KCNH7: variants seen among roughly 807,000 people sequenced by gnomAD.
KCNH7 encodes the protein potassium voltage-gated channel subfamily H member 7, also known as voltage-gated inwardly rectifying potassium channel KCNH7.
A neutral mutation model predicts 120.8 loss-of-function variants in KCNH7; 49 were observed. That is an observed-to-expected ratio of 0.41 (90% CI 0.32 to 0.51). The LOEUF (loss-of-function observed/expected upper bound fraction) is 0.51, where lower values mean the gene tolerates loss of function less well. Ranked by LOEUF, KCNH7 falls within the 20% of genes least tolerant of loss-of-function variation. KCNH7 has a pLI of 0.38. For synonymous variants in KCNH7, 547 were observed against 516.1 expected, an observed-to-expected ratio of 1.06 and a Z score of -0.81; for missense variants, 1,097 against 1,446.6, an observed-to-expected ratio of 0.76 and a Z score of 3.92.
chr2:162,664,640 TA>T (rs1685073777), intron 2 of KCNH7, among the ~76,000 whole-genome samples: 1 of 152,146 alleles, frequency 6.6e-6, no homozygotes, highest in African/African-American at 2.4e-5. Flanking sequence ...TGAAATATCG[TA>T]GATTACAATA....
intron 6 of KCNH7, among the ~76,000 whole-genome samples, chr2:162,496,291 A>AGAACCTGT (rs1182577161): frequency 3.9e-5 from 6 of 152,136 alleles, no homozygotes; most frequent in East Asian, 1.9e-4. Context: ...AGGTCCCCAG[A>AGAACCTGT]GAACCTGTGA....
intron 2 of KCNH7, among the ~76,000 whole-genome samples, chr2:162,579,859 A>G (rs1448741172): frequency 6.6e-6 from 1 of 152,046 alleles, no homozygotes; most frequent in Admixed American, 6.6e-5. Context: ...GTGGGGATGA[A>G]GAGTTACGTA....
At chr2:162,486,584 G>GA in intron 6 of KCNH7, among the ~76,000 whole-genome samples, 1 of 151,996 alleles carries the variant, frequency 6.6e-6, no homozygotes. Flanking sequence ...GAAAAAATAG[G>GA]AAAAAATATT....
At chr2:162,435,830 G>A (rs1209988771) in intron 7 of KCNH7, among the ~76,000 whole-genome samples, 2 of 152,030 alleles carry the variant, frequency 1.3e-5, no homozygotes, top group African/African-American at 2.4e-5. Flanking sequence ...AAGACATGGG[G>A]CACAGAATCT....
intron 2 of KCNH7, among the ~76,000 whole-genome samples, chr2:162,699,671 T>A (rs1038055237): frequency 6.6e-6 from 1 of 152,208 alleles, no homozygotes; most frequent in Non-Finnish European, 1.5e-5. Context: ...ATGTCTTTTA[T>A]TTGCTTTTAA....
At chr2:162,548,390 T>G (rs558688934) in intron 2 of KCNH7, among the ~76,000 whole-genome samples, 1 of 152,076 alleles carries the variant, frequency 6.6e-6, no homozygotes, top group East Asian at 1.9e-4. Context: ...CTTCCAAAGG[T>G]GGTTGCAGGA....
intron 2 of KCNH7, among the ~76,000 whole-genome samples, chr2:162,766,902 CACATAA>C (rs1201950888): frequency 1.8e-4 from 27 of 147,472 alleles, no homozygotes; most frequent in African/African-American, 6.9e-4. Flanking sequence ...CACACACACA[CACATAA>C]ACACACATCA....
intron 2 of KCNH7, among the ~76,000 whole-genome samples, chr2:162,762,930 G>A (rs1689016581): frequency 6.6e-6 from 1 of 152,030 alleles, no homozygotes; most frequent in African/African-American, 2.4e-5. Context: ...TATTTAAGCA[G>A]TTCTTTAAAA....
rs149577067 is a variant in KCNH7 at position 162,499,686 on chromosome 2, T to G, written c.1128+4757A>C. On this transcript the variant is annotated intron_variant, in intron 6 of 15. Transcript: ENST00000332142. Reference sequence around the variant, plus strand: ...CTTTGGAGATTTTTGACTGCAGACTTACTCTTGCTTAATCCCACGCAATAC... The same window carrying G: ...CTTTGGAGATTTTTGACTGCAGACTGACTCTTGCTTAATCCCACGCAATAC... 4.0e-3 allele frequency among the ~76,000 whole-genome samples: 614 copies of G among 152,246 alleles called. 5 individuals are homozygous for G. The highest frequency in any genetic ancestry group is 3.6e-3 in the Non-Finnish European group (248 of 68,004).
chr2:162,483,517 T>C (rs1689996578), intron 6 of KCNH7, among the ~76,000 whole-genome samples: 2 of 152,000 alleles, frequency 1.3e-5, no homozygotes, highest in Admixed American at 1.3e-4. Context: ...TCCTAAGGAA[T>C]GGGAGTTCAC....
intron 6 of KCNH7, among the ~76,000 whole-genome samples, chr2:162,481,703 C>G (rs1689934153): frequency 6.6e-6 from 1 of 152,136 alleles, no homozygotes; most frequent in Non-Finnish European, 1.5e-5. Flanking sequence ...TGAATGAATA[C>G]ATGAGGTTGT....
At chr2:162,549,674 C>A (rs1335144294) in intron 2 of KCNH7, among the ~76,000 whole-genome samples, 1 of 152,002 alleles carries the variant, frequency 6.6e-6, no homozygotes, top group African/African-American at 2.4e-5. Flanking sequence ...AGTATAAAAC[C>A]ATTAGCAAAG....
chr2:162,690,315 A>G (rs1339115214), intron 2 of KCNH7, among the ~76,000 whole-genome samples: 1 of 152,166 alleles, frequency 6.6e-6, no homozygotes, highest in Non-Finnish European at 1.5e-5. Flanking sequence ...TAATCTGTAC[A>G]ACAAACCCCC....
rs191911586 is a variant in KCNH7, at chr2:162,793,290, C to T, written c.307+43247G>A. On this transcript the variant is annotated intron_variant, in intron 2 of 15. Coordinates refer to ENST00000332142, the MANE Select transcript of KCNH7 (RefSeq NM_033272.4). ...AGAGGGGAACAACACACACTGGGAC[C>T]TATTGGAGGGTGTGGTGTAGGAGGA... 2.8e-4 allele frequency among the ~76,000 whole-genome samples: 43 copies of T among 151,846 alleles called. 1 individual carries two copies. Among genetic ancestry groups the T allele is most frequent in the Admixed American group, 2.6e-3 (39 of 15,218 alleles).
At chr2:162,489,470 C>A (rs148266871) in intron 6 of KCNH7, among the ~76,000 whole-genome samples, 2 of 152,134 alleles carry the variant, frequency 1.3e-5, no homozygotes, top group African/African-American at 4.8e-5. Context: ...ATGCAGCTCA[C>A]GGGCTGAGGG....
chr2:162,595,037 C>A (rs1472499811), intron 2 of KCNH7, among the ~76,000 whole-genome samples: 1 of 152,044 alleles, frequency 6.6e-6, no homozygotes, highest in African/African-American at 2.4e-5. Flanking sequence ...ACACCCAAGA[C>A]TGGCTAATTT....
intron 2 of KCNH7, among the ~76,000 whole-genome samples, chr2:162,623,858 A>T (rs1322766953): frequency 6.6e-6 from 1 of 152,222 alleles, no homozygotes. Context: ...GTAGTACAGT[A>T]GTCCCCCTGC....
At chr2:162,686,608 G>A (rs377650591) in intron 2 of KCNH7, among the ~76,000 whole-genome samples, 1 of 152,058 alleles carries the variant, frequency 6.6e-6, no homozygotes, top group East Asian at 1.9e-4. Context: ...TCTGGCAGGG[G>A]TTCATCTAAA....
chr2:162,379,492 C>T lies in KCNH7; in HGVS notation c.3131+361G>A, dbSNP rs548684617. Among the ~76,000 whole-genome samples, 15 of 152,054 alleles carry T rather than the reference C, an allele frequency of 9.9e-5. No individual in the cohort carries two copies. In the South Asian group the frequency reaches 2.7e-3, roughly 27 times the overall value. On this transcript the variant is annotated intron_variant, in intron 14 of 15. Transcript: ENST00000332142. ...ATGCCCTAACACATAGCTATGCTAT[C>T]GGGAACATCCGAAAAAGTGTAAAAG...
Sources: allele counts gnomAD v4.1 joint callset (sites outside exome capture counted in the v4.1 genomes callset), GRCh38; gene constraint gnomAD v4.1.1; transcripts MANE v1.5; gene names NCBI Gene and HGNC (gene_info 2026-07-23, HGNC 2026-07-21).